FAF1: variants seen among roughly 807,000 people sequenced by gnomAD.
FAF1 encodes FAS-associated factor 1.
A neutral mutation model predicts 92.5 loss-of-function variants in FAF1; 25 were observed. That is an observed-to-expected ratio of 0.27 (90% CI 0.20 to 0.38). FAF1 has a LOEUF of 0.38. Ranked by LOEUF, FAF1 falls within the 10% of genes least tolerant of loss-of-function variation. FAF1 has a pLI of 1.00. For synonymous variants in FAF1, 234 were observed against 273.2 expected (o/e 0.86, Z 1.42); for missense variants, 636 against 793.3 (o/e 0.80, Z 2.38).
At chr1:50,704,484 T>C (rs941216019) in intron 7 of FAF1, among the ~76,000 whole-genome samples, 2 of 152,196 alleles carry the variant, frequency 1.3e-5, no homozygotes, top group Non-Finnish European at 2.9e-5. Flanking sequence ...TATTCACATA[T>C]ACAATTTAGA....
chr1:50,952,376 T>C (rs6666942), intron 1 of FAF1, among the ~76,000 whole-genome samples: 150,048 of 152,354 alleles, frequency 0.98, 73,930 homozygotes, highest in East Asian at 1. Context: ...TCCCGAGGTG[T>C]CAAGATTGCA....
chr1:50,887,828 T>C lies in FAF1; in HGVS notation c.46-29831A>G, dbSNP rs568349652. On this transcript the variant is annotated intron_variant, in intron 1 of 18. Coordinates refer to ENST00000396153, the MANE Select transcript of FAF1 (RefSeq NM_007051.3). ...AGGTAACATGATGCCTCCAGCTTTG[T>C]TCTTTTGGCTTAGGATTGTCTTGGC... Among the ~76,000 whole-genome samples, 7 of 152,330 alleles carry C rather than the reference T, an allele frequency of 4.6e-5. No homozygotes were observed. In the East Asian group the frequency reaches 1.2e-3, roughly 25 times the overall value.
chr1:50,687,114 C>T (rs1046383088), intron 7 of FAF1, among the ~76,000 whole-genome samples: 1 of 152,148 alleles, frequency 6.6e-6, no homozygotes, highest in South Asian at 2.1e-4. Context: ...TAGGAATAAG[C>T]CATGGTGCCC....
intron 2 of FAF1, among the ~76,000 whole-genome samples, chr1:50,833,308 A>G (rs1483598071): frequency 1.3e-5 from 2 of 152,072 alleles, no homozygotes; most frequent in African/African-American, 4.8e-5. Flanking sequence ...AACTCAGGAA[A>G]ATGCTTTTTC....
intron 15 of FAF1, among the ~76,000 whole-genome samples, chr1:50,534,032 T>C (rs542432384): frequency 2.2e-4 from 33 of 152,284 alleles, no homozygotes; most frequent in African/African-American, 7.7e-4. Flanking sequence ...GGATCCATGT[T>C]CTCTACACAG....
In FAF1 at chr1:50,848,984, C is replaced by T. The variant is rs182249645; in HGVS notation, c.114+8945G>A. 1.8e-4 allele frequency among the ~76,000 whole-genome samples: 28 copies of T among 152,230 alleles called. No homozygotes were observed. The East Asian group carries it at 5.0e-3, about 27-fold the overall frequency. On this transcript the variant is annotated intron_variant, in intron 2 of 18. Transcript: ENST00000396153. ...GTCAATAATATTGTACTAAGCCAGG[C>T]GCAGTGGCTCATGCCTATAATCCCA...
At chr1:50,921,844 G>A (rs1433800913) in intron 1 of FAF1, among the ~76,000 whole-genome samples, 7 of 152,052 alleles carry the variant, frequency 4.6e-5, no homozygotes, top group Non-Finnish European at 7.4e-5. Flanking sequence ...ATGAGAAAGA[G>A]AAGAGGACTC....
chr1:50,839,371 C>T (rs1242734541), intron 2 of FAF1, among the ~76,000 whole-genome samples: 1 of 152,062 alleles, frequency 6.6e-6, no homozygotes, highest in African/African-American at 2.4e-5. Context: ...GTTTGATATG[C>T]AAAGAAGTCT....
chr1:50,632,992 T>A (rs1653857696), intron 8 of FAF1, among the ~76,000 whole-genome samples: 1 of 152,212 alleles, frequency 6.6e-6, no homozygotes, highest in Non-Finnish European at 1.5e-5. Context: ...GTGCTATTTT[T>A]AAATTATCTA....
intron 2 of FAF1, among the ~76,000 whole-genome samples, chr1:50,814,603 G>C (rs985858379): frequency 6.6e-6 from 1 of 152,108 alleles, no homozygotes; most frequent in Non-Finnish European, 1.5e-5. Flanking sequence ...TATGCTAAGC[G>C]AATAGTTAGA....
intron 8 of FAF1, among the ~76,000 whole-genome samples, chr1:50,623,988 GGAA>G (rs999284335): frequency 4.7e-5 from 7 of 148,412 alleles, no homozygotes; most frequent in Admixed American, 2.7e-4. Flanking sequence ...AGGAAGAAGA[GGAA>G]GAAGAAGGAA....
At chr1:50,819,718 TATATATATATAC>T (rs1169949497) in intron 2 of FAF1, among the ~76,000 whole-genome samples, 3 of 23,200 alleles carry the variant, frequency 1.3e-4, no homozygotes, top group African/African-American at 4.7e-4. Flanking sequence ...TATATATACG[TATATATATATAC>T]ATATATATAC....
chr1:50,592,607 T>A (rs1651573800), intron 9 of FAF1, among the ~76,000 whole-genome samples: 1 of 152,300 alleles, frequency 6.6e-6, no homozygotes, highest in East Asian at 1.9e-4. Flanking sequence ...ACTGCTGGTC[T>A]CAAATATTTC....
At chr1:50,496,564 C>A (rs1234121747) in intron 15 of FAF1, among the ~76,000 whole-genome samples, 1 of 152,166 alleles carries the variant, frequency 6.6e-6, no homozygotes, top group East Asian at 1.9e-4. Context: ...CCAGAGATCT[C>A]ATTTTGGACT....
intron 13 of FAF1, among the ~76,000 whole-genome samples, chr1:50,550,645 C>T (rs914670734): frequency 1.4e-4 from 22 of 152,088 alleles, no homozygotes; most frequent in African/African-American, 5.3e-4. Flanking sequence ...GACCACATCA[C>T]CTAAACTCCC....
At chr1:50,923,056 A>G (rs1644977884) in intron 1 of FAF1, among the ~76,000 whole-genome samples, 1 of 152,120 alleles carries the variant, frequency 6.6e-6, no homozygotes, top group Non-Finnish European at 1.5e-5. Context: ...GATAACTACC[A>G]AGATTGAACA....
At chr1:50,730,751 C>A (rs368927804) in intron 6 of FAF1, among the ~76,000 whole-genome samples, 1 of 152,226 alleles carries the variant, frequency 6.6e-6, no homozygotes, top group African/African-American at 2.4e-5. Flanking sequence ...GCCTAACAGA[C>A]TAGGCTCCAC....
intron 1 of FAF1, among the ~76,000 whole-genome samples, chr1:50,943,527 C>G (rs1356419827): frequency 6.6e-6 from 1 of 152,154 alleles, no homozygotes; most frequent in African/African-American, 2.4e-5. Flanking sequence ...TTGAGGCAGA[C>G]CTTAATGCCT....
chr1:50,508,111 T>C (rs769042261), intron 15 of FAF1, among the ~76,000 whole-genome samples: 1 of 152,224 alleles, frequency 6.6e-6, no homozygotes, highest in African/African-American at 2.4e-5. Context: ...ATACAGAAAT[T>C]GGAACCCTTG....
Sources: gnomAD v4.1 joint callset for allele counts (sites outside exome capture counted in the v4.1 genomes callset) on GRCh38, gnomAD v4.1.1 for gene constraint, MANE v1.5 for transcripts, NCBI Gene and HGNC (gene_info 2026-07-23, HGNC 2026-07-21) for gene names.